The following CELF4 variants were observed in gnomAD, a reference collection of about 807,000 sequenced individuals.
CELF4 encodes the protein CUGBP Elav-like family member 4, also known as CUG-BP- and ETR-3-like factor 4.
CELF4 carries 18 observed loss-of-function variants against 59.9 expected under a neutral mutation model. The ratio of observed to expected loss-of-function variants is 0.30; its 90% CI spans 0.21 to 0.45. CELF4 has a LOEUF of 0.45. Among genes scored for constraint, CELF4 ranks in the 20% least tolerant of loss-of-function variants. CELF4 has a pLI of 1.00. For synonymous variants in CELF4, 261 were observed against 267.1 expected (o/e 0.98, Z 0.22); for missense variants, 456 against 689.0 (o/e 0.66, Z 3.79).
At chr18:37,477,654 C>T (rs1279079865) in intron 2 of CELF4, among the ~76,000 whole-genome samples, 1 of 152,114 alleles carries the variant, frequency 6.6e-6, no homozygotes, top group Non-Finnish European at 1.5e-5. Flanking sequence ...GGGCACTTCC[C>T]TTCACTACCA....
At position 37,297,311 on chromosome 18, in the gene CELF4, T is replaced by C. The variant is rs140299253; in HGVS notation, c.449-22068A>G. Among the ~76,000 whole-genome samples the C allele has an allele frequency of 1.5e-4, 23 of 152,268 alleles. No individual in the cohort carries two copies. The East Asian group carries it at 3.9e-3, about 26-fold the overall frequency. On this transcript the variant is annotated intron_variant, in intron 3 of 12. Coordinates refer to ENST00000420428, the MANE Select transcript of CELF4 (RefSeq NM_020180.4). ...ATCCCACCATTAGAGCCTCATCTCTTTGGGGTAAGCATTGCTGTCTTCAGA... is the reference window on the plus strand; with the variant it reads ...ATCCCACCATTAGAGCCTCATCTCTCTGGGGTAAGCATTGCTGTCTTCAGA...
chr18:37,448,887 G>A (rs2099755585), intron 2 of CELF4, among the ~76,000 whole-genome samples: 1 of 152,202 alleles, frequency 6.6e-6, no homozygotes, highest in Non-Finnish European at 1.5e-5. Context: ...CACCCTCTGG[G>A]CCCACACGCC....
intron 3 of CELF4, among the ~76,000 whole-genome samples, chr18:37,299,496 C>T (rs1417313342): frequency 6.6e-6 from 1 of 152,008 alleles, no homozygotes; most frequent in Non-Finnish European, 1.5e-5. Flanking sequence ...TGGAACCCTC[C>T]CACTCAGAAT....
intron 2 of CELF4, among the ~76,000 whole-genome samples, chr18:37,375,039 G>T (rs1254210320): frequency 6.6e-6 from 1 of 152,200 alleles, no homozygotes; most frequent in African/African-American, 2.4e-5. Context: ...TGTGTCCTCA[G>T]GTTGGGTGTG....
chr18:37,455,403 C>T (rs558386779), intron 2 of CELF4, among the ~76,000 whole-genome samples: 1 of 152,368 alleles, frequency 6.6e-6, no homozygotes, highest in African/African-American at 2.4e-5. Context: ...CTCTCCTCTT[C>T]TTCCAACTCA....
At chr18:37,530,200 T>C (rs1352793278) in intron 1 of CELF4, among the ~76,000 whole-genome samples, 2 of 152,160 alleles carry the variant, frequency 1.3e-5, no homozygotes, top group African/African-American at 4.8e-5. Context: ...TGTACACAGG[T>C]TCTTCATACA....
intron 2 of CELF4, among the ~76,000 whole-genome samples, chr18:37,389,182 C>G (rs372212729): frequency 1.3e-5 from 2 of 152,206 alleles, no homozygotes; most frequent in Non-Finnish European, 2.9e-5. Context: ...CTCAGGCTGT[C>G]GCTGTCTTGC....
At chr18:37,312,785 C>A (rs1368204207) in intron 3 of CELF4, among the ~76,000 whole-genome samples, 13 of 152,188 alleles carry the variant, frequency 8.5e-5, no homozygotes, top group Admixed American at 8.5e-4. Context: ...TGTGTCCTGG[C>A]CAACTGGGCA....
intron 2 of CELF4, among the ~76,000 whole-genome samples, chr18:37,350,787 T>G (rs959362393): frequency 6.6e-6 from 1 of 152,214 alleles, no homozygotes; most frequent in Non-Finnish European, 1.5e-5. Flanking sequence ...TTATCTCACT[T>G]AAGACCCCAG....
At chr18:37,548,750 G>A (rs996607325) in intron 1 of CELF4, among the ~76,000 whole-genome samples, 14 of 152,214 alleles carry the variant, frequency 9.2e-5, no homozygotes, top group African/African-American at 3.4e-4. Flanking sequence ...GAAGGCCCAG[G>A]CTCTGAGCAA....
At chr18:37,420,443 C>T (rs1486600685) in intron 2 of CELF4, among the ~76,000 whole-genome samples, 1 of 152,142 alleles carries the variant, frequency 6.6e-6, no homozygotes, top group African/African-American at 2.4e-5. Flanking sequence ...TCAGGAAAGG[C>T]TTTGTGTAGG....
intron 2 of CELF4, among the ~76,000 whole-genome samples, chr18:37,442,715 C>A (rs190119590): frequency 6.6e-6 from 1 of 152,262 alleles, no homozygotes; most frequent in South Asian, 2.1e-4. Context: ...AGAAGAGGCT[C>A]GGCCGCTGGT....
In CELF4 at chr18:37,254,058, CG is replaced by C. The variant is rs1344063960; in HGVS notation, c.1334-121del. 2 of 710,902 alleles carry C rather than the reference CG, an allele frequency of 2.8e-6. No homozygotes were observed. The highest frequency in any genetic ancestry group is 3.8e-6 in the Non-Finnish European group (2 of 530,062). The allele number at this position is 710,902 out of a possible 1,614,324, so 44.0% of individuals were successfully genotyped here. A position where few individuals can be genotyped will look rare whatever the true frequency, so the allele number is the denominator to read the frequency against. ...GCCTGAGGCTCTCCCCCTCGGGCCC[CG>C]CCCCCGGCCCCGCCCCGGTGCCCGC... On this transcript the variant is annotated intron_variant, in intron 11 of 12. Transcript: ENST00000420428. This position sits in a 1 kb window ranked among gnomAD's most constrained non-coding sequence, Gnocchi z 5.1.
chr18:37,527,316 C>A (rs370409721), intron 1 of CELF4, among the ~76,000 whole-genome samples: 2 of 151,756 alleles, frequency 1.3e-5, no homozygotes, highest in South Asian at 2.1e-4. Flanking sequence ...CCAGCCCAGA[C>A]GGACCCAAGC....
At chr18:37,264,967 CGT>C (rs375319008) in intron 9 of CELF4, among the ~76,000 whole-genome samples, 230 of 151,502 alleles carry the variant, frequency 1.5e-3, no homozygotes, top group Non-Finnish European at 2.5e-3. Flanking sequence ...GGTGTGTGTA[CGT>C]GTGTGTGTGC....
intron 2 of CELF4, among the ~76,000 whole-genome samples, chr18:37,359,023 A>C (rs1292030797): frequency 6.6e-6 from 1 of 152,172 alleles, no homozygotes; most frequent in Non-Finnish European, 1.5e-5. Context: ...GCTTGAACTC[A>C]GGAGGTGGAG....
At chr18:37,451,289 C>G (rs1329708896) in intron 2 of CELF4, among the ~76,000 whole-genome samples, 1 of 151,980 alleles carries the variant, frequency 6.6e-6, no homozygotes, top group Non-Finnish European at 1.5e-5. Flanking sequence ...GTGGTGTGGG[C>G]TGTGTGTGTC....
Position 37,253,801 on chromosome 18 carries a change from C to G in CELF4, c.*10G>C. The G allele has an allele frequency of 6.3e-7, 1 of 1,593,736 alleles. No individual in the cohort carries two copies. The highest frequency in any genetic ancestry group is 8.5e-7 in the Non-Finnish European group (1 of 1,170,112). ...TCCTGGTCTCCCCCGGGGGACGCTC[C>G]CGCCGGCGCTCAGTACGGGCGATTG... On this transcript the variant is annotated 3_prime_UTR_variant, in exon 12 of 13. Transcript: ENST00000420428. The surrounding 1 kb of genome is among the most constrained non-coding windows in gnomAD (Gnocchi z 4.5).
chr18:37,400,571 T>C (rs1569568801), intron 2 of CELF4, among the ~76,000 whole-genome samples: 1 of 152,224 alleles, frequency 6.6e-6, no homozygotes, highest in South Asian at 2.1e-4. Context: ...GGTCCATCCG[T>C]TGGTCTTCAA....
Sources: allele counts gnomAD v4.1 joint callset (sites outside exome capture counted in the v4.1 genomes callset), GRCh38; gene constraint gnomAD v4.1.1; non-coding constraint Gnocchi (gnomAD v3.1); transcripts MANE v1.5; gene names NCBI Gene and HGNC (gene_info 2026-07-23, HGNC 2026-07-21).